The following ATRNL1 variants were observed in gnomAD, a reference collection of about 807,000 sequenced individuals.
ATRNL1 encodes the protein attractin like 1, also known as attractin-like protein 1.
ATRNL1 carries 95 observed loss-of-function variants against 182.7 expected under a neutral mutation model. That is an observed-to-expected ratio of 0.52 (90% CI 0.44 to 0.62). The LOEUF is 0.62. Ranked by LOEUF, ATRNL1 falls within the 20% of genes least tolerant of loss-of-function variation. ATRNL1 has a pLI of 0.00. For synonymous variants in ATRNL1, 576 were observed against 568.3 expected, an observed-to-expected ratio of 1.01 and a Z score of -0.19; for missense variants, 1,471 against 1,679.5, an observed-to-expected ratio of 0.88 and a Z score of 2.17.
At chr10:115,794,580 G>A (rs1471574056) in intron 27 of ATRNL1, among the ~76,000 whole-genome samples, 1 of 152,050 alleles carries the variant, frequency 6.6e-6, no homozygotes, top group Non-Finnish European at 1.5e-5. Context: ...ATTTTAGAAT[G>A]TCCCTCAATT....
At chr10:115,723,705 T>G (rs1456023722) in intron 26 of ATRNL1, among the ~76,000 whole-genome samples, 7 of 151,966 alleles carry the variant, frequency 4.6e-5, no homozygotes, top group African/African-American at 1.7e-4. Flanking sequence ...TGTGCCACCA[T>G]GCCTGGCTAA....
At chr10:115,785,871 T>C (rs1463072097) in intron 27 of ATRNL1, among the ~76,000 whole-genome samples, 1 of 152,200 alleles carries the variant, frequency 6.6e-6, no homozygotes, top group Non-Finnish European at 1.5e-5. Context: ...AGATTCATCC[T>C]TTACATGTTT....
At chr10:115,207,936 C>T (rs1169080117) in intron 8 of ATRNL1, among the ~76,000 whole-genome samples, 1 of 152,052 alleles carries the variant, frequency 6.6e-6, no homozygotes, top group Non-Finnish European at 1.5e-5. Flanking sequence ...AATAATATTT[C>T]TGTCCACCAC....
chr10:115,502,369 T>C (rs1849887198), intron 24 of ATRNL1, among the ~76,000 whole-genome samples: 1 of 152,150 alleles, frequency 6.6e-6, no homozygotes, highest in African/African-American at 2.4e-5. Context: ...GTTTGTTAAA[T>C]ATCAAAGGTT....
chr10:115,150,915 C>T (rs1193382644), intron 5 of ATRNL1, among the ~76,000 whole-genome samples: 1 of 152,156 alleles, frequency 6.6e-6, no homozygotes, highest in Non-Finnish European at 1.5e-5. Context: ...TGTTTCCCTT[C>T]CTGTGTCCAA....
chr10:115,512,839 A>G (rs1194085400), intron 24 of ATRNL1, among the ~76,000 whole-genome samples: 2 of 151,882 alleles, frequency 1.3e-5, no homozygotes, highest in Non-Finnish European at 2.9e-5. Flanking sequence ...TTACGGTGAG[A>G]CCTACATGAT....
intron 24 of ATRNL1, among the ~76,000 whole-genome samples, chr10:115,498,399 C>A (rs1849655881): frequency 6.6e-6 from 1 of 152,002 alleles, no homozygotes; most frequent in African/African-American, 2.4e-5. Context: ...AAGCCATGAT[C>A]TCTCAACTTG....
chr10:115,533,799 T>G (rs1401484625), intron 25 of ATRNL1, among the ~76,000 whole-genome samples: 11 of 151,234 alleles, frequency 7.3e-5, no homozygotes, highest in African/African-American at 2.7e-4. Context: ...TTCTGGTATG[T>G]TGTGTCTTTG....
intron 28 of ATRNL1, among the ~76,000 whole-genome samples, chr10:115,874,676 G>T (rs1334507852): frequency 6.6e-6 from 1 of 152,208 alleles, no homozygotes; most frequent in Non-Finnish European, 1.5e-5. Context: ...AATGGAGTCA[G>T]CAGAACCTGA....
intron 27 of ATRNL1, among the ~76,000 whole-genome samples, chr10:115,797,926 TTCTTTTTTTGAGACGGAGTCTCGC>T (rs1236025232): frequency 6.6e-6 from 1 of 152,188 alleles, no homozygotes; most frequent in African/African-American, 2.4e-5. Context: ...ACCTTTTTTT[TTCTTTTTTTGAGACGGAGTCTCGC>T]TCTGTTGCCC....
At chr10:115,819,898 A>C (rs1555089722) in intron 27 of ATRNL1, 1 of 146,774 alleles carries the variant, frequency 6.8e-6, no homozygotes, top group South Asian at 2.2e-4. Flanking sequence ...CCAAGAAATA[A>C]GTCAAAAAAA....
At chr10:115,597,008 G>C (rs1308426675) in intron 26 of ATRNL1, among the ~76,000 whole-genome samples, 1 of 151,852 alleles carries the variant, frequency 6.6e-6, no homozygotes, top group Non-Finnish European at 1.5e-5. Context: ...ATCCTTCACT[G>C]TATTGTTAAT....
At chr10:115,424,951 G>A (rs185956012) in intron 20 of ATRNL1, among the ~76,000 whole-genome samples, 2 of 152,198 alleles carry the variant, frequency 1.3e-5, no homozygotes, top group East Asian at 3.9e-4. Flanking sequence ...GTGGTGTTTG[G>A]AAATGTCACA....
At chr10:115,642,722 G>A (rs1461498364) in intron 26 of ATRNL1, among the ~76,000 whole-genome samples, 2 of 152,206 alleles carry the variant, frequency 1.3e-5, no homozygotes, top group East Asian at 1.9e-4. Context: ...TGGGATTACA[G>A]GCCTGAACCA....
At position 115,156,950 on chromosome 10, in the gene ATRNL1, G is replaced by T. The variant is rs116392419; in HGVS notation, c.830-3090G>T. 8.6e-3 allele frequency among the ~76,000 whole-genome samples: 1,302 copies of T among 152,188 alleles called. 18 individuals are homozygous for T. The highest frequency in any genetic ancestry group is 0.028 in the African/African-American group (1,157 of 41,526). ...AGTAGAATGATGGTTACCAGAGGCT[G>T]GGAAAGGTTTCGGGGAGAGAGGGAT... is the stretch of plus-strand genomic sequence containing the variant. On this transcript the variant is annotated intron_variant, in intron 5 of 28. Transcript: ENST00000355044.
At chr10:115,383,969 A>G (rs1858183510) in intron 19 of ATRNL1, among the ~76,000 whole-genome samples, 1 of 152,028 alleles carries the variant, frequency 6.6e-6, no homozygotes, top group African/African-American at 2.4e-5. Context: ...AAGCAAGGAA[A>G]ATATCAAAAA....
chr10:115,435,425 C>G (rs1473123916), intron 21 of ATRNL1, among the ~76,000 whole-genome samples: 1 of 152,104 alleles, frequency 6.6e-6, no homozygotes, highest in African/African-American at 2.4e-5. Context: ...GATGACACAG[C>G]AAGAAGGCCC....
At chr10:115,728,119 AAAAAAAAAG>A (rs1555061039) in intron 27 of ATRNL1, among the ~76,000 whole-genome samples, 1 of 67,468 alleles carries the variant, frequency 1.5e-5, no homozygotes, top group African/African-American at 4.9e-5. Context: ...ACTAAAAAAA[AAAAAAAAAG>A]AAAAAAAAAA....
At chr10:115,921,970 C>G (rs1295071082) in intron 28 of ATRNL1, among the ~76,000 whole-genome samples, 12 of 152,316 alleles carry the variant, frequency 7.9e-5, no homozygotes, top group African/African-American at 2.6e-4. Flanking sequence ...TAGTCAGCTT[C>G]CCTGCCTTAG....
Sources: allele counts gnomAD v4.1 joint callset (sites outside exome capture counted in the v4.1 genomes callset), GRCh38; gene constraint gnomAD v4.1.1; transcripts MANE v1.5; gene names NCBI Gene and HGNC (gene_info 2026-07-23, HGNC 2026-07-21).